The following COX15 variants were observed in gnomAD, a reference collection of about 807,000 sequenced individuals.
The protein encoded by COX15 is heme A synthase COX15.
In COX15, 51 loss-of-function variants were observed where a neutral mutation model predicts 51.9. The observed-to-expected ratio is 0.98, with a 90% CI of 0.78 to 1.24. COX15 has a LOEUF of 1.24. COX15 is among the 50% of genes most tolerant of loss of function. The pLI is 0.00. For synonymous variants in COX15, 188 were observed against 190.5 expected (o/e 0.99, Z 0.11); for missense variants, 420 against 501.1 (o/e 0.84, Z 1.55).
intron 4 of COX15, 79 bp downstream of exon 4, chr10:99,726,887 CAA>C (rs5787356): frequency 6.3e-3 from 5,821 of 921,100 alleles, no homozygotes; most frequent in East Asian, 7.2e-3. Context: ...GACTCCGTCT[CAA>C]AAAAAAAAAA....
At chr10:99,716,731 C>G in intron 7 of COX15, 1 of 384,092 alleles carries the variant, frequency 2.6e-6, no homozygotes, top group Non-Finnish European at 5.0e-6. Flanking sequence ...GTGATCTCAT[C>G]CACCTTCCAA....
chr10:99,713,534 T>C lies in COX15; in HGVS notation c.*1053A>G, dbSNP rs1413372201. Reference sequence around the variant, plus strand: ...CATTAATTCAGCAGTCAACAATTTGTTTATCTGGGTAGATGTCCATGCACT... The same window carrying C: ...CATTAATTCAGCAGTCAACAATTTGCTTATCTGGGTAGATGTCCATGCACT... On this transcript the variant is annotated 3_prime_UTR_variant, in exon 9 of 9. Transcript: ENST00000016171. 2 of 1,571,600 alleles carry C rather than the reference T, an allele frequency of 1.3e-6. No homozygotes were observed. Among genetic ancestry groups the C allele is most frequent in the African/African-American group, 2.7e-5 (2 of 73,734 alleles).
At chr10:99,701,017 G>C in the COX15 span, 10 of 1,614,180 alleles carry the variant, frequency 6.2e-6, no homozygotes, top group Non-Finnish European at 8.5e-6. Context: ...AGAGATTCAA[G>C]AATGGCCTCT....
downstream of COX15, chr10:99,710,456 T>TA (rs376877690): frequency 0.018 from 17,272 of 985,426 alleles, 177 homozygotes; most frequent in Non-Finnish European, 0.02. Context: ...ATCTACACTT[T>TA]AAAAAACCAA....
In COX15 at chr10:99,729,735, C is replaced by G. The variant is rs1409285901; in HGVS notation, c.91-1G>C. ...TCAAAGGGCGCCTGATGCAATCACA[C>G]TAAAGATCAAGATAGACAAATTACA... On this transcript the variant is annotated splice_acceptor_variant, in intron 1 of 8. Transcript: ENST00000016171. LOFTEE classifies it high-confidence loss of function. 1.9e-5 allele frequency: 31 copies of G among 1,613,912 alleles called. No homozygotes were observed. The highest frequency in any genetic ancestry group is 2.5e-5 in the Non-Finnish European group (30 of 1,180,030).
chr10:99,714,860 C>CAAAT, intron 8 of COX15, 142 bp from the exon 9 acceptor site: 1 of 1,438,006 alleles, frequency 7.0e-7, no homozygotes, highest in South Asian at 1.2e-5. Flanking sequence ...ATTTCACAAG[C>CAAAT]AAATATGCTT....
chr10:99,698,859 G>T, the COX15 span: 1 of 1,587,068 alleles, frequency 6.3e-7, no homozygotes. Context: ...GGCTGCTCAG[G>T]TAAATTATTA....
chr10:99,712,919 A>C lies in COX15; in HGVS notation c.*1668T>G. On this transcript the variant is annotated 3_prime_UTR_variant, in exon 9 of 9. Transcript: ENST00000016171. ...CGGCTTCAACTTCTCAAGGACAGGA[A>C]TCTTGCTCTCTCTCCAGATGTTCTC... is the stretch of plus-strand genomic sequence containing the variant. The C allele has an allele frequency of 1.3e-6, 1 of 755,278 alleles. No homozygotes were observed. Among genetic ancestry groups the C allele is most frequent in the Non-Finnish European group, 1.6e-6 (1 of 616,558 alleles). The allele number at this position is 755,278 out of a possible 1,614,324, so 46.8% of individuals were successfully genotyped here.
intron 8 of COX15, among the ~76,000 whole-genome samples, chr10:99,715,923 G>A (rs72832521): frequency 0.11 from 15,803 of 150,100 alleles, 932 homozygotes; most frequent in African/African-American, 0.13. Flanking sequence ...CTTATTTTCC[G>A]GTTATTAATC....
At chr10:99,705,208 A>G in the COX15 span, 1 of 159,398 alleles carries the variant, frequency 6.3e-6, no homozygotes, top group South Asian at 1.8e-4. Flanking sequence ...ATTTCCAGGC[A>G]CCAAAATGAT....
At chr10:99,700,414 ATGTGTG>A in the COX15 span, among the ~76,000 whole-genome samples, 6 of 9,818 alleles carry the variant, frequency 6.1e-4, no homozygotes, top group South Asian at 7.2e-3. Flanking sequence ...GTGTGTGTGT[ATGTGTG>A]TGTGTGTGTG....
At chr10:99,700,373 A>ATTTT in the COX15 span, among the ~76,000 whole-genome samples, 1 of 149,536 alleles carries the variant, frequency 6.7e-6, no homozygotes. Flanking sequence ...TTCCCTGAGC[A>ATTTT]TTTATGTTAT....
At chr10:99,726,698 T>TA (rs1349034927) in intron 4 of COX15, among the ~76,000 whole-genome samples, 1 of 151,894 alleles carries the variant, frequency 6.6e-6, no homozygotes, top group East Asian at 1.9e-4. Context: ...CCATCCTGGC[T>TA]AACATGGTGA....
At chr10:99,704,916 G>A in the COX15 span, 3 of 544,336 alleles carry the variant, frequency 5.5e-6, no homozygotes, top group African/African-American at 3.8e-5. Context: ...CTAATACGGG[G>A]GACCAAGCTT....
At chr10:99,726,321 T>C (rs1395107995) in intron 4 of COX15, among the ~76,000 whole-genome samples, 1 of 152,176 alleles carries the variant, frequency 6.6e-6, no homozygotes, top group African/African-American at 2.4e-5. Context: ...AACTACATCT[T>C]GCAGCACATG....
chr10:99,718,232 G>T, intron 7 of COX15, 114 bp downstream of exon 7: 1 of 1,105,468 alleles, frequency 9.0e-7, no homozygotes. Flanking sequence ...AAAGAGAGCA[G>T]GAAATATAGT....
At chr10:99,702,022 G>A in the COX15 span, among the ~76,000 whole-genome samples, 1 of 151,216 alleles carries the variant, frequency 6.6e-6, no homozygotes, top group East Asian at 1.9e-4. Context: ...GCACTCCAGC[G>A]TGGGTGACAG....
chr10:99,716,552 C>A, intron 7 of COX15, 91 bp from the exon 8 acceptor site: 1 of 862,234 alleles, frequency 1.2e-6, no homozygotes. Context: ...ACTCAGCAAC[C>A]ATGAAGTACT....
At chr10:99,702,812 C>A in the COX15 span, 2 of 705,344 alleles carry the variant, frequency 2.8e-6, no homozygotes, top group Non-Finnish European at 4.2e-6. Flanking sequence ...CTCACAAAAA[C>A]AAACTCCTTT....
Sources: allele counts gnomAD v4.1 joint callset (sites outside exome capture counted in the v4.1 genomes callset), GRCh38; gene constraint gnomAD v4.1.1; transcripts MANE v1.5; gene names NCBI Gene and HGNC (gene_info 2026-07-23, HGNC 2026-07-21).